ACOX1: variants seen among roughly 807,000 people sequenced by gnomAD.
ACOX1 encodes the protein acyl-CoA oxidase 1.
In ACOX1, 41 loss-of-function variants were observed where a neutral mutation model predicts 75.5. The ratio of observed to expected loss-of-function variants is 0.54; its 90% CI spans 0.42 to 0.70. The LOEUF (loss-of-function observed/expected upper bound fraction) is 0.70. Ranked by LOEUF, ACOX1 falls within the 30% of genes least tolerant of loss-of-function variation. The probability of loss-of-function intolerance (pLI) is 0.00; values close to 1 mark genes in which losing one functional copy is unlikely to be tolerated. For synonymous variants in ACOX1, 303 were observed against 298.8 expected (o/e 1.01, Z -0.15); for missense variants, 630 against 837.5 (o/e 0.75, Z 3.06).
At chr17:75,956,011 A>C in intron 4 of ACOX1, 64 bp from the exon 5 acceptor site, 1 of 1,605,332 alleles carries the variant, frequency 6.2e-7, no homozygotes. Flanking sequence ...AAGGGTAGAA[A>C]AAAGAAGAAA....
At chr17:75,969,373 T>C (rs1292093297) in intron 2 of ACOX1, among the ~76,000 whole-genome samples, 1 of 151,554 alleles carries the variant, frequency 6.6e-6, no homozygotes, top group Non-Finnish European at 1.5e-5. Context: ...TCCATGTTGG[T>C]CAGGCTGGTC....
chr17:75,953,110 C>G (rs2065789499), intron 7 of ACOX1: 2 of 297,118 alleles, frequency 6.7e-6, no homozygotes, highest in Non-Finnish European at 1.3e-5. Context: ...TTTACAGTTG[C>G]TAGTAGTAAT....
At position 75,946,710 on chromosome 17, in the gene ACOX1, C is replaced by A. The variant is rs767873073; in HGVS notation, c.*38G>T. On this transcript the variant is annotated 3_prime_UTR_variant, in exon 14 of 14. Coordinates refer to ENST00000293217, the MANE Select transcript of ACOX1 (RefSeq NM_004035.7). The stretch of plus-strand genomic sequence containing the variant: ...CCACAAAATTTGAGTTGCACACAGG[C>A]GCTTTCTGAAGCAGATTAAACTTGT... 6.3e-7 allele frequency: 1 copy of A among 1,598,952 alleles called. No individual in the cohort carries two copies. Among genetic ancestry groups the A allele is most frequent in the South Asian group, 1.1e-5 (1 of 90,686 alleles).
In ACOX1 at chr17:75,978,918, T is replaced by G; in HGVS notation, c.109+47A>C. Reference sequence around the variant, plus strand: ...CCCCTGACTCCGCATCGAGGGAGTCTCCAGCTTTTCTCGGGAAAGGAGGGA... The same window carrying G: ...CCCCTGACTCCGCATCGAGGGAGTCGCCAGCTTTTCTCGGGAAAGGAGGGA... On this transcript the variant is annotated intron_variant, in intron 1 of 13. Transcript: ENST00000293217. This position sits in a 1 kb window ranked among gnomAD's most constrained non-coding sequence, Gnocchi z 4.2. The G allele has an allele frequency of 6.2e-7, 1 of 1,605,186 alleles. No homozygotes were observed. Among genetic ancestry groups the G allele is most frequent in the Non-Finnish European group, 8.5e-7 (1 of 1,179,280 alleles).
chr17:75,969,489 ATAT>A (rs1255791834), intron 2 of ACOX1, among the ~76,000 whole-genome samples: 1 of 152,114 alleles, frequency 6.6e-6, no homozygotes, highest in Non-Finnish European at 1.5e-5. Flanking sequence ...CATAAAGTTT[ATAT>A]TATTATCACT....
intron 4 of ACOX1, among the ~76,000 whole-genome samples, chr17:75,956,603 G>A (rs556826283): frequency 6.6e-6 from 1 of 150,788 alleles, no homozygotes; most frequent in African/African-American, 2.5e-5. Flanking sequence ...CAGGAGAATC[G>A]CTTGAACCCA....
rs898682868 is a variant in ACOX1, at chr17:75,970,101, C to T, written c.269+8433G>A. Among the ~76,000 whole-genome samples, 3 of 146,612 alleles carry T rather than the reference C, an allele frequency of 2.0e-5. No homozygotes were observed. In the Admixed American group the frequency reaches 2.1e-4, roughly 10 times the overall value. On this transcript the variant is annotated intron_variant, in intron 2 of 13. Coordinates refer to ENST00000293217, the MANE Select transcript of ACOX1 (RefSeq NM_004035.7). Reference sequence around the variant, plus strand: ...TCAGGAGGCTGAGGCAGGAGAATCACTTCAACCAGGGGGAGGTGGAGGTTG... The same window carrying T: ...TCAGGAGGCTGAGGCAGGAGAATCATTTCAACCAGGGGGAGGTGGAGGTTG...
At position 75,951,845 on chromosome 17, in the gene ACOX1, C is replaced by G. The variant is rs188654090; in HGVS notation, c.945-268G>C. On this transcript the variant is annotated intron_variant, in intron 7 of 13. Transcript: ENST00000293217. The stretch of plus-strand genomic sequence containing the variant: ...TTTTTTTTTTTTTGTGATGGAGTCT[C>G]CCTCTGTCACCCAGGCTTTAGTGCA... Among the ~76,000 whole-genome samples, 5 of 126,878 alleles carry G rather than the reference C, an allele frequency of 3.9e-5. No homozygotes were observed. In the East Asian group the frequency reaches 1.2e-3, roughly 31 times the overall value. 83.2% of individuals were successfully genotyped at this position (126,878 alleles called of 152,430 possible).
At chr17:75,948,892 C>T (rs1005805613) in intron 12 of ACOX1, among the ~76,000 whole-genome samples, 1 of 141,494 alleles carries the variant, frequency 7.1e-6, no homozygotes, top group African/African-American at 2.7e-5. Context: ...CAGAGTATTG[C>T]TCTGTCACCC....
Position 75,951,520 on chromosome 17 carries a change from G to A in ACOX1, c.1002C>T (p.Leu334=), listed in dbSNP as rs532841247. ...FQTQQYKLFP[L]LATAYAFQFV... Reference sequence around the variant, plus strand: ...ACTGGAAGGCATAGGCAGTGGCCAGGAGTGGAAAGAGTTTATACTGCTGGG... The same window carrying A: ...ACTGGAAGGCATAGGCAGTGGCCAGAAGTGGAAAGAGTTTATACTGCTGGG... Residue 334 remains leucine, a synonymous_variant, in exon 8 of 14, where the codon CTC becomes CTT. Coordinates refer to ENST00000293217, the MANE Select transcript of ACOX1 (RefSeq NM_004035.7). 3 of 1,614,136 alleles carry A rather than the reference G, an allele frequency of 1.9e-6. No homozygotes were observed. Among genetic ancestry groups the A allele is most frequent in the South Asian group, 2.2e-5 (2 of 91,076 alleles).
chr17:75,965,703 C>A (rs1465936836), intron 2 of ACOX1, among the ~76,000 whole-genome samples: 1 of 151,966 alleles, frequency 6.6e-6, no homozygotes, highest in South Asian at 2.1e-4. Flanking sequence ...CGCGGTGTCA[C>A]GAGCCCATAC....
At chr17:75,971,153 T>C (rs2065989881) in intron 2 of ACOX1, among the ~76,000 whole-genome samples, 2 of 151,956 alleles carry the variant, frequency 1.3e-5, no homozygotes, top group Non-Finnish European at 1.5e-5. Context: ...TAGCCGGGCA[T>C]GGTGGCACAC....
Position 75,957,581 on chromosome 17 carries a change from T to C in ACOX1, c.431-15A>G. ...AAGGTGAGTTCCTAAGGAGATAAAT[T>C]ACATTGACTTCAGTTAAGAGATGGG... On this transcript the variant is annotated splice_polypyrimidine_tract_variant and intron_variant, in intron 3 of 13. Transcript: ENST00000293217. The C allele has an allele frequency of 6.2e-7, 1 of 1,600,736 alleles. No individual in the cohort carries two copies. The highest frequency in any genetic ancestry group is 8.6e-7 in the Non-Finnish European group (1 of 1,168,004).
chr17:75,977,835 TA>T (rs527664623), intron 2 of ACOX1, among the ~76,000 whole-genome samples: 218 of 145,414 alleles, frequency 1.5e-3, no homozygotes, highest in Admixed American at 1.3e-3. Flanking sequence ...GTCGTGCAAC[TA>T]AAAAAAAAAA....
chr17:75,952,165 C>T (rs2065780656), intron 7 of ACOX1, among the ~76,000 whole-genome samples: 2 of 152,186 alleles, frequency 1.3e-5, no homozygotes, highest in African/African-American at 2.4e-5. Flanking sequence ...GCTCTACTCA[C>T]CAGATGGCTG....
intron 3 of ACOX1, among the ~76,000 whole-genome samples, chr17:75,958,665 G>A (rs746352385): frequency 1.4e-4 from 21 of 151,724 alleles, no homozygotes; most frequent in Non-Finnish European, 2.9e-5. Flanking sequence ...AAAATTAGCT[G>A]GGCATGGTGG....
intron 2 of ACOX1, among the ~76,000 whole-genome samples, chr17:75,970,162 C>A (rs1476684573): frequency 8.2e-6 from 1 of 122,268 alleles, no homozygotes; most frequent in East Asian, 2.2e-4. Flanking sequence ...ACCACTCCAG[C>A]TTGGGCAACA....
At chr17:75,964,505 C>A (rs2065913454) in intron 2 of ACOX1, among the ~76,000 whole-genome samples, 1 of 152,180 alleles carries the variant, frequency 6.6e-6, no homozygotes, top group South Asian at 2.1e-4. Context: ...AGTGAAGATG[C>A]ACGCTAAGGG....
intron 3 of ACOX1, among the ~76,000 whole-genome samples, chr17:75,959,153 G>A (rs371878991): frequency 3.3e-5 from 5 of 152,136 alleles, no homozygotes; most frequent in East Asian, 3.8e-4. Context: ...CTTTCATAAC[G>A]CTTAGACCTC....
Sources: gnomAD v4.1 joint callset for allele counts (sites outside exome capture counted in the v4.1 genomes callset) on GRCh38, gnomAD v4.1.1 for gene constraint, Gnocchi (gnomAD v3.1) non-coding constraint, MANE v1.5 for transcripts, NCBI Gene and HGNC (gene_info 2026-07-23, HGNC 2026-07-21) for gene names.